Variants in SEPTIN9 observed in about 807,000 individuals in gnomAD.
SEPTIN9 encodes the protein septin-9.
In SEPTIN9, 13 loss-of-function variants were observed where a neutral mutation model predicts 56.6. That is an observed-to-expected ratio of 0.23 (90% CI 0.15 to 0.37). SEPTIN9 has a LOEUF of 0.37. SEPTIN9 is among the 10% of genes least tolerant of loss of function. SEPTIN9 has a pLI of 1.00. For synonymous variants in SEPTIN9, 332 were observed against 334.1 expected (o/e 0.99, Z 0.07); for missense variants, 650 against 823.1 (o/e 0.79, Z 2.57).
intron 3 of SEPTIN9, among the ~76,000 whole-genome samples, chr17:77,444,204 G>A (rs2037652223): frequency 6.6e-6 from 1 of 152,182 alleles, no homozygotes; most frequent in Non-Finnish European, 1.5e-5. Context: ...AGGGGTCCTC[G>A]AATGCAAGGG....
intron 3 of SEPTIN9, among the ~76,000 whole-genome samples, chr17:77,406,464 G>A (rs940687274): frequency 6.1e-5 from 9 of 148,144 alleles, no homozygotes; most frequent in African/African-American, 2.2e-4. Flanking sequence ...TTTTAAATGT[G>A]AAAGTAGTTT....
intron 1 of SEPTIN9, among the ~76,000 whole-genome samples, chr17:77,284,164 C>T (rs886848422): frequency 2.0e-5 from 3 of 152,108 alleles, no homozygotes; most frequent in Non-Finnish European, 2.9e-5. Flanking sequence ...ACACGAGGAT[C>T]GCTTGAGCCC....
At chr17:77,386,987 G>C (rs964622684) in intron 2 of SEPTIN9, among the ~76,000 whole-genome samples, 39 of 152,382 alleles carry the variant, frequency 2.6e-4, no homozygotes, top group African/African-American at 8.7e-4. Context: ...AAGCAGAAGA[G>C]TGGGACACAC....
chr17:77,381,467 C>T (rs369936), intron 2 of SEPTIN9, among the ~76,000 whole-genome samples: 38,498 of 150,948 alleles, frequency 0.26, 5,171 homozygotes, highest in East Asian at 0.49. Context: ...CCGCTTTCCA[C>T]GTGGGTGGGC....
At position 77,458,892 on chromosome 17, in the gene SEPTIN9, AG is replaced by A. The variant is rs2038334403; in HGVS notation, c.722-23251del. Among the ~76,000 whole-genome samples the A allele has an allele frequency of 2.6e-5, 4 of 152,274 alleles. No homozygotes were observed. The South Asian group carries it at 8.3e-4, about 32-fold the overall frequency. On this transcript the variant is annotated intron_variant, in intron 3 of 11. Coordinates refer to ENST00000427177, the MANE Select transcript of SEPTIN9 (RefSeq NM_001113491.2). ...TCTGGGCTCTCTAGAATTTCACCAG[AG>A]CTCAGGGAGGAGGTCAGCTCAGATA...
intron 10 of SEPTIN9, among the ~76,000 whole-genome samples, chr17:77,494,812 G>C (rs969193335): frequency 2.6e-5 from 4 of 152,202 alleles, no homozygotes; most frequent in South Asian, 2.1e-4. Context: ...TTCATGCCTG[G>C]AGGAGGGTGT....
At chr17:77,442,536 G>A (rs2037586033) in intron 3 of SEPTIN9, among the ~76,000 whole-genome samples, 1 of 149,030 alleles carries the variant, frequency 6.7e-6, no homozygotes. Flanking sequence ...AAAGAACTTA[G>A]GGCCCGTATA....
chr17:77,368,342 C>T (rs1466037723), intron 2 of SEPTIN9, among the ~76,000 whole-genome samples: 7 of 149,026 alleles, frequency 4.7e-5, no homozygotes, highest in South Asian at 4.2e-4. Flanking sequence ...GACGGAGTCT[C>T]GCTCTGTCGC....
rs771939555 is a variant in SEPTIN9, at chr17:77,425,560, C to G, written c.721+22857C>G. Reference sequence around the variant, plus strand: ...CTGAGCTGGCGGGCCTCGCACACCCCCAAGGCCGCCTGACTTCCAGCCTCC... The same window carrying G: ...CTGAGCTGGCGGGCCTCGCACACCCGCAAGGCCGCCTGACTTCCAGCCTCC... On this transcript the variant is annotated intron_variant, in intron 3 of 11. Transcript: ENST00000427177. The surrounding 1 kb of genome is among the most constrained non-coding windows in gnomAD (Gnocchi z 4.2). 5.3e-5 allele frequency among the ~76,000 whole-genome samples: 8 copies of G among 152,222 alleles called. No homozygotes were observed. Among genetic ancestry groups the G allele is most frequent in the Non-Finnish European group, 1.2e-4 (8 of 68,044 alleles).
chr17:77,389,351 G>A lies in SEPTIN9; in HGVS notation c.77-12708G>A, dbSNP rs111516129. Among the ~76,000 whole-genome samples, 159 of 152,222 alleles carry A rather than the reference G, an allele frequency of 1.0e-3. 1 individual carries two copies. The highest frequency in any genetic ancestry group is 3.5e-3 in the African/African-American group (147 of 41,548). On this transcript the variant is annotated intron_variant, in intron 2 of 11. Coordinates refer to ENST00000427177, the MANE Select transcript of SEPTIN9 (RefSeq NM_001113491.2). The surrounding 1 kb of genome is among the most constrained non-coding windows in gnomAD (Gnocchi z 4.3). Reference sequence around the variant, plus strand: ...TGAGCAGACCAGGAGCCAGCATCACGTTTCTCTGTCTCCAGAATCGAGGAC... The same window carrying A: ...TGAGCAGACCAGGAGCCAGCATCACATTTCTCTGTCTCCAGAATCGAGGAC...
intron 3 of SEPTIN9, among the ~76,000 whole-genome samples, chr17:77,468,460 G>A (rs1324542830): frequency 6.6e-6 from 1 of 152,190 alleles, no homozygotes; most frequent in East Asian, 1.9e-4. Context: ...AAGCTGAAGA[G>A]TAGGTTAGGG....
intron 2 of SEPTIN9, among the ~76,000 whole-genome samples, chr17:77,355,318 C>T (rs1008563568): frequency 1.3e-5 from 2 of 152,194 alleles, no homozygotes; most frequent in Non-Finnish European, 1.5e-5. Context: ...GCGCCTGTTG[C>T]TGGTGGGCTG....
intron 1 of SEPTIN9, among the ~76,000 whole-genome samples, chr17:77,284,545 G>A (rs1188073941): frequency 6.6e-6 from 1 of 152,220 alleles, no homozygotes; most frequent in Non-Finnish European, 1.5e-5. Flanking sequence ...ACCAGGCTGC[G>A]CCTCTCCCTG....
Position 77,369,245 on chromosome 17 carries a change from AAAG to A in SEPTIN9, c.77-32811_77-32809del, listed in dbSNP as rs982034399. 6.6e-6 allele frequency among the ~76,000 whole-genome samples: 1 copy of A among 152,072 alleles called. No individual in the cohort carries two copies. Among genetic ancestry groups the A allele is most frequent in the African/African-American group, 2.4e-5 (1 of 41,410 alleles). On this transcript the variant is annotated intron_variant, in intron 2 of 11. Transcript: ENST00000427177. This position sits in a 1 kb window ranked among gnomAD's most constrained non-coding sequence, Gnocchi z 4.9. ...TGAGACCCTGTCAAAAAAGAAAAGA[AAAG>A]AAAGAAATTGGCCAAGGCAGGAATA... is the stretch of plus-strand genomic sequence containing the variant.
chr17:77,392,847 C>G (rs531127363), intron 2 of SEPTIN9, among the ~76,000 whole-genome samples: 3 of 152,282 alleles, frequency 2.0e-5, no homozygotes, highest in African/African-American at 7.2e-5. Flanking sequence ...GGGGGCCGCC[C>G]TCCACTGACA....
Position 77,498,927 on chromosome 17 carries a change from C to T in SEPTIN9, c.*269C>T, listed in dbSNP as rs1029263438. 1.8e-6 allele frequency: 1 copy of T among 568,062 alleles called. No homozygotes were observed. The highest frequency in any genetic ancestry group is 1.8e-5 in the African/African-American group (1 of 54,792). The allele number at this position is 568,062 out of a possible 1,614,324, so 35.2% of individuals were successfully genotyped here. On this transcript the variant is annotated 3_prime_UTR_variant, in exon 12 of 12. Coordinates refer to ENST00000427177, the MANE Select transcript of SEPTIN9 (RefSeq NM_001113491.2). ...CTGAATTGACATGACCCTCTGTCCC[C>T]AGGCCTGGCTCCCCGAGGGCTCAGA...
At chr17:77,370,262 AG>A (rs2034679583) in intron 2 of SEPTIN9, among the ~76,000 whole-genome samples, 1 of 152,220 alleles carries the variant, frequency 6.6e-6, no homozygotes, top group Non-Finnish European at 1.5e-5. Context: ...TGAAGACTCC[AG>A]GGGAAAACCT....
intron 3 of SEPTIN9, among the ~76,000 whole-genome samples, chr17:77,448,080 T>C (rs2037811446): frequency 6.6e-6 from 1 of 152,244 alleles, no homozygotes; most frequent in South Asian, 2.1e-4. Context: ...TAAATGTGGC[T>C]TGTAGACATG....
intron 3 of SEPTIN9, among the ~76,000 whole-genome samples, chr17:77,412,677 G>T (rs1396102788): frequency 1.3e-5 from 2 of 151,822 alleles, no homozygotes; most frequent in African/African-American, 4.8e-5. Context: ...TGTGAGCTGT[G>T]GTCATACCAC....
Sources: gnomAD v4.1 joint callset for allele counts (sites outside exome capture counted in the v4.1 genomes callset) on GRCh38, gnomAD v4.1.1 for gene constraint, Gnocchi (gnomAD v3.1) non-coding constraint, MANE v1.5 for transcripts, NCBI Gene and HGNC (gene_info 2026-07-23, HGNC 2026-07-21) for gene names.